Variants in MTF1 observed in about 807,000 individuals in gnomAD.
MTF1 encodes metal regulatory transcription factor 1.
A neutral mutation model predicts 70.4 loss-of-function variants in MTF1; 22 were observed. The observed-to-expected ratio is 0.31, with a 90% CI of 0.22 to 0.45. The LOEUF is 0.45. Among genes scored for constraint, MTF1 ranks in the 20% least tolerant of loss-of-function variants. The pLI, the probability that MTF1 is intolerant of heterozygous loss-of-function variation, is 1.00. For synonymous variants in MTF1, 333 were observed against 352.8 expected (o/e 0.94, Z 0.63); for missense variants, 649 against 922.0 (o/e 0.70, Z 3.83).
At chr1:37,858,481 C>A (rs1641536190) in intron 1 of MTF1, 1 of 152,162 alleles carries the variant, frequency 6.6e-6, no homozygotes, top group East Asian at 1.9e-4. Context: ...AATTCCTTCC[C>A]CCCTACCTAG....
Position 37,822,272 on chromosome 1 carries a change from C to T in MTF1, c.1616G>A (p.Gly539Asp). The change falls in exon 9 of 11, where the codon GGT (glycine) becomes GAT (aspartate). Residue 539 changes from glycine (G) to aspartate (D), a missense_variant. By Grantham distance (94) the Gly-to-Asp change is moderately conservative (BLOSUM62 -1). Transcript: ENST00000373036. ...LPAMVQTLPL[G>D]ANSVLTNNPT... ...ATTATTAGTTAGGACAGAGTTGGCA[C>T]CCAGGGGCAGAGTCTGGACCATGGC... is the stretch of plus-strand genomic sequence containing the variant. 1.9e-6 allele frequency: 3 copies of T among 1,614,096 alleles called. No homozygotes were observed. The highest frequency in any genetic ancestry group is 2.5e-6 in the Non-Finnish European group (3 of 1,180,012).
intron 9 of MTF1, among the ~76,000 whole-genome samples, chr1:37,819,240 T>TAACCAAAAACCAAGACAAA (rs1249873801): frequency 2.0e-5 from 3 of 152,134 alleles, no homozygotes; most frequent in African/African-American, 7.2e-5. Flanking sequence ...ACTAAGACAA[T>TAACCAAAAACCAAGACAAA]AACCAAAAAC....
intron 2 of MTF1, among the ~76,000 whole-genome samples, chr1:37,853,599 G>C (rs1641449222): frequency 6.6e-6 from 1 of 152,178 alleles, no homozygotes; most frequent in East Asian, 1.9e-4. Context: ...GCTATTCCCT[G>C]AAAATGGCCT....
intron 4 of MTF1, 77 bp downstream of exon 4, chr1:37,838,548 T>C (rs1641204574): frequency 3.0e-6 from 4 of 1,351,432 alleles, no homozygotes; most frequent in Non-Finnish European, 4.1e-6. Context: ...TTTCTTTCTT[T>C]TTTGAAAAAT....
chr1:37,835,786 T>C (rs768576920), intron 4 of MTF1, 42 bp from the exon 5 acceptor site: 4 of 1,503,664 alleles, frequency 2.7e-6, no homozygotes, highest in East Asian at 4.5e-5. Flanking sequence ...CATTAGCTAA[T>C]AGATCTTTAT....
intron 3 of MTF1, 41 bp from the exon 4 acceptor site, chr1:37,838,797 C>CATTTTTTTTTTTTTTTTTTTTT: frequency 2.1e-6 from 1 of 473,678 alleles, no homozygotes; most frequent in South Asian, 3.2e-5. Context: ...TCATAAAATT[C>CATTTTTTTTTTTTTTTTTTTTT]TTTTTTTTTT....
intron 2 of MTF1, among the ~76,000 whole-genome samples, chr1:37,849,911 AAAC>A (rs1015722122): frequency 1.4e-4 from 21 of 152,176 alleles, no homozygotes; most frequent in Admixed American, 3.9e-4. Context: ...ACAAACAAAC[AAAC>A]AACAAGACGC....
intron 6 of MTF1, among the ~76,000 whole-genome samples, chr1:37,833,023 T>A (rs902014686): frequency 3.3e-5 from 5 of 150,840 alleles, no homozygotes; most frequent in South Asian, 2.1e-4. Context: ...AAAAAAATAA[T>A]AATAATAATA....
intron 7 of MTF1, among the ~76,000 whole-genome samples, chr1:37,824,469 G>A (rs1234073837): frequency 2.6e-5 from 4 of 152,152 alleles, no homozygotes; most frequent in African/African-American, 4.8e-5. Context: ...AGGCTGGGGC[G>A]GGCAGATCAC....
chr1:37,849,570 A>G lies in MTF1; in HGVS notation c.408+7681T>C, dbSNP rs559614384. Among the ~76,000 whole-genome samples the G allele has an allele frequency of 2.6e-5, 4 of 152,296 alleles. No individual in the cohort carries two copies. The South Asian group carries it at 8.3e-4, about 32-fold the overall frequency. On this transcript the variant is annotated intron_variant, in intron 2 of 10. Transcript: ENST00000373036. Reference sequence around the variant, plus strand: ...TAGGGTTTTTTCATGCTCCTTGGCCAACTACTCTATAGAAAACTGGCAAGG... The same window carrying G: ...TAGGGTTTTTTCATGCTCCTTGGCCGACTACTCTATAGAAAACTGGCAAGG...
intron 2 of MTF1, among the ~76,000 whole-genome samples, chr1:37,848,224 A>G (rs547272141): frequency 7.9e-5 from 12 of 152,368 alleles, no homozygotes; most frequent in African/African-American, 2.9e-4. Flanking sequence ...AGGAAAAGAA[A>G]GCAAATGAAC....
chr1:37,857,901 G>A (rs943995982), intron 1 of MTF1, among the ~76,000 whole-genome samples, 192 bp from the exon 2 acceptor site: 1 of 151,846 alleles, frequency 6.6e-6, no homozygotes, highest in African/African-American at 2.4e-5. Context: ...TGCCGACTGG[G>A]CGTGGTGGCT....
In MTF1 at chr1:37,835,759, G is replaced by T; in HGVS notation, c.780-15C>A. The T allele has an allele frequency of 6.2e-7, 1 of 1,611,010 alleles. No individual in the cohort carries two copies. Among genetic ancestry groups the T allele is most frequent in the Non-Finnish European group, 8.5e-7 (1 of 1,177,232 alleles). Reference sequence around the variant, plus strand: ...CGTGATCGCACCTAAATTTGTTAAGGAAAGAGAAACAGGAGTCATTAGCTA... The same window carrying T: ...CGTGATCGCACCTAAATTTGTTAAGTAAAGAGAAACAGGAGTCATTAGCTA... On this transcript the variant is annotated splice_polypyrimidine_tract_variant and intron_variant, in intron 4 of 10. Coordinates refer to ENST00000373036, the MANE Select transcript of MTF1 (RefSeq NM_005955.3).
chr1:37,830,287 T>C (rs1557590825), intron 7 of MTF1, among the ~76,000 whole-genome samples: 2 of 152,208 alleles, frequency 1.3e-5, no homozygotes, highest in Non-Finnish European at 1.5e-5. Context: ...ATTTCTATTA[T>C]TGATCTTCAA....
intron 2 of MTF1, among the ~76,000 whole-genome samples, chr1:37,844,451 T>C (rs1641303948): frequency 1.3e-5 from 2 of 152,242 alleles, no homozygotes; most frequent in Non-Finnish European, 2.9e-5. Context: ...ATACTTACTA[T>C]ACCACTCATT....
At chr1:37,834,176 A>G (rs1641129026) in intron 6 of MTF1, among the ~76,000 whole-genome samples, 1 of 152,256 alleles carries the variant, frequency 6.6e-6, no homozygotes, top group Middle Eastern at 3.4e-3. Flanking sequence ...TTGCACCACT[A>G]CACTCCAGCC....
chr1:37,815,989 C>T lies in MTF1; in HGVS notation c.1832-423G>A, dbSNP rs567114678. Among the ~76,000 whole-genome samples, 1 of 152,164 alleles carries T rather than the reference C, an allele frequency of 6.6e-6. No individual in the cohort carries two copies. Among genetic ancestry groups the T allele is most frequent in the Non-Finnish European group, 1.5e-5 (1 of 68,034 alleles). The stretch of plus-strand genomic sequence containing the variant: ...TCTTTCAAGACCTAGCTCACTCCCC[C>T]ACTCTCTGTAGGCCTATGCAGAGGA... On this transcript the variant is annotated intron_variant, in intron 10 of 10. Coordinates refer to ENST00000373036, the MANE Select transcript of MTF1 (RefSeq NM_005955.3). The surrounding 1 kb of genome is among the most constrained non-coding windows in gnomAD (Gnocchi z 4.5).
intron 7 of MTF1, 68 bp downstream of exon 7, chr1:37,832,177 T>C (rs1190748449): frequency 6.8e-6 from 7 of 1,028,864 alleles, no homozygotes; most frequent in Admixed American, 6.0e-5. Context: ...TGCCTCAATT[T>C]TCCCACCAAA....
intron 6 of MTF1, 43 bp from the exon 7 acceptor site, chr1:37,832,365 A>G (rs1433174339): frequency 1.1e-5 from 14 of 1,276,664 alleles, no homozygotes; most frequent in Non-Finnish European, 1.5e-5. Context: ...AAAAATCAGG[A>G]TTTACAGTGG....
Sources: allele counts gnomAD v4.1 joint callset (sites outside exome capture counted in the v4.1 genomes callset), GRCh38; gene constraint gnomAD v4.1.1; non-coding constraint Gnocchi (gnomAD v3.1); transcripts MANE v1.5; gene names NCBI Gene and HGNC (gene_info 2026-07-23, HGNC 2026-07-21).